The following NF2 variants were observed in gnomAD, a reference collection of about 807,000 sequenced individuals.
NF2 encodes merlin.
A neutral mutation model predicts 83.7 loss-of-function variants in NF2; 8 were observed. The ratio of observed to expected loss-of-function variants is 0.10; its 90% CI spans 0.06 to 0.17. The LOEUF is 0.17. Among genes scored for constraint, NF2 ranks in the 10% least tolerant of loss-of-function variants. The probability of loss-of-function intolerance (pLI) is 1.00; values close to 1 mark genes in which losing one functional copy is unlikely to be tolerated. For missense variants in NF2, 533 were observed against 744.4 expected (o/e 0.72, Z 3.31); for synonymous variants, 266 against 269.6 (o/e 0.99, Z 0.13).
chr22:29,641,794 G>C (rs1427711577), intron 3 of NF2, among the ~76,000 whole-genome samples: 1 of 152,134 alleles, frequency 6.6e-6, no homozygotes, highest in Non-Finnish European at 1.5e-5. Flanking sequence ...GGTGACTTTT[G>C]TCTTGTGTTA....
chr22:29,673,420 T>C lies in NF2; in HGVS notation c.1274T>C (p.Leu425Pro). The change falls in exon 12 of 16, where the codon CTG (leucine) becomes CCG (proline). Residue 425 changes from leucine (L) to proline (P), a missense_variant. Coordinates refer to ENST00000338641, the MANE Select transcript of NF2 (RefSeq NM_000268.4). ...TAIRTEEEKR[L>P]MEQKVLEAEV... The stretch of plus-strand genomic sequence containing the variant: ...ATTCGCACGGAGGAGGAGAAGCGCC[T>C]GATGGAGCAGAAGGTGCTGGAAGCC... The C allele has an allele frequency of 6.2e-7, 1 of 1,612,574 alleles. No homozygotes were observed. Among genetic ancestry groups the C allele is most frequent in the Non-Finnish European group, 8.5e-7 (1 of 1,179,618 alleles).
intron 9 of NF2, among the ~76,000 whole-genome samples, chr22:29,667,123 C>T (rs925784109): frequency 6.6e-6 from 1 of 151,952 alleles, no homozygotes; most frequent in African/African-American, 2.4e-5. Context: ...TTTTACAGAC[C>T]CAACAGTAGT....
At position 29,642,295 on chromosome 22, in the gene NF2, A is replaced by C; in HGVS notation, c.447+10A>C. 1 of 1,612,526 alleles carries C rather than the reference A, an allele frequency of 6.2e-7. No individual in the cohort carries two copies. The highest frequency in any genetic ancestry group is 2.2e-5 in the East Asian group (1 of 44,880). Reference sequence around the variant, plus strand: ...CGCCGTCCAGGCCAAGGTAGGCTCAAAGAAGAAAAATGTATTTTTCCTGGG... The same window carrying C: ...CGCCGTCCAGGCCAAGGTAGGCTCACAGAAGAAAAATGTATTTTTCCTGGG... On this transcript the variant is annotated intron_variant, in intron 4 of 15. Transcript: ENST00000338641.
chr22:29,623,406 GT>G lies in NF2; in HGVS notation c.115-13342del, dbSNP rs547641208. Among the ~76,000 whole-genome samples the G allele has an allele frequency of 2.2e-4, 34 of 152,316 alleles. No individual in the cohort carries two copies. The East Asian group carries it at 6.4e-3, about 28-fold the overall frequency. ...TGCAAAATGATTTGGAACGTTTGGG[GT>G]TTGGGGTAGGGAGAGAGAGGTTGGA... On this transcript the variant is annotated intron_variant, in intron 1 of 15. Coordinates refer to ENST00000338641, the MANE Select transcript of NF2 (RefSeq NM_000268.4).
Position 29,636,604 on chromosome 22 carries a change from G to A in NF2, c.115-147G>A, listed in dbSNP as rs910489016. On this transcript the variant is annotated intron_variant, in intron 1 of 15. Coordinates refer to ENST00000338641, the MANE Select transcript of NF2 (RefSeq NM_000268.4). This position sits in a 1 kb window ranked among gnomAD's most constrained non-coding sequence, Gnocchi z 4.4. ...TCCCACTCATGGGTTTGTAAAGGAA[G>A]CTTTAAAATTATTTAGGAATTCAGT... 4.8e-6 allele frequency: 5 copies of A among 1,046,188 alleles called. No individual in the cohort carries two copies. The African/African-American group carries it at 7.9e-5, about 17-fold the overall frequency. The allele number at this position is 1,046,188 out of a possible 1,614,324, so 64.8% of individuals were successfully genotyped here.
chr22:29,664,903 A>T lies in NF2; in HGVS notation c.811-87A>T, dbSNP rs939428200. 5 of 910,910 alleles carry T rather than the reference A, an allele frequency of 5.5e-6. No individual in the cohort carries two copies. The African/African-American group carries it at 8.2e-5, about 15-fold the overall frequency. 56.4% of individuals were successfully genotyped at this position (910,910 alleles called of 1,614,324 possible). A position where few individuals can be genotyped will look rare whatever the true frequency, so the allele number is the denominator to read the frequency against. ...CATAACTTCATGCTGGTCTGTGGCC[A>T]GTGTGGTTGCGCATTTGTGGAATTT... On this transcript the variant is annotated intron_variant, in intron 8 of 15. Coordinates refer to ENST00000338641, the MANE Select transcript of NF2 (RefSeq NM_000268.4).
chr22:29,681,621 T>C lies in NF2; in HGVS notation c.1737+20T>C. 1 of 1,613,614 alleles carries C rather than the reference T, an allele frequency of 6.2e-7. No homozygotes were observed. Among genetic ancestry groups the C allele is most frequent in the South Asian group, 1.1e-5 (1 of 91,084 alleles). On this transcript the variant is annotated intron_variant, in intron 15 of 15. Coordinates refer to ENST00000338641, the MANE Select transcript of NF2 (RefSeq NM_000268.4). ...AAAAAGGTACCCAGGGTCTCTTTCT[T>C]GTATTTTGCTGATCAGGACCATCAT...
intron 1 of NF2, among the ~76,000 whole-genome samples, chr22:29,628,477 A>G (rs2146806765): frequency 6.6e-6 from 1 of 152,202 alleles, no homozygotes; most frequent in Non-Finnish European, 1.5e-5. Flanking sequence ...AGTTGAAGGC[A>G]GTAATTAAAT....
intron 12 of NF2, 90 bp from the exon 13 acceptor site, chr22:29,674,746 C>T: frequency 8.7e-7 from 1 of 1,148,366 alleles, no homozygotes; most frequent in Non-Finnish European, 1.3e-6. Flanking sequence ...TCAGGGTTAG[C>T]CCAGGTCCCT....
intron 14 of NF2, among the ~76,000 whole-genome samples, chr22:29,680,331 C>G (rs1021549509): frequency 2.0e-5 from 3 of 152,170 alleles, no homozygotes; most frequent in African/African-American, 7.2e-5. Flanking sequence ...AGGCTGGTCT[C>G]GAACTCCTGA....
intron 13 of NF2, among the ~76,000 whole-genome samples, chr22:29,675,812 C>T (rs1439205496): frequency 2.2e-5 from 3 of 135,298 alleles, no homozygotes; most frequent in East Asian, 2.2e-4. Context: ...ACACACAGCA[C>T]GGACACACAC....
At chr22:29,628,780 G>A (rs891666664) in intron 1 of NF2, among the ~76,000 whole-genome samples, 10 of 151,856 alleles carry the variant, frequency 6.6e-5, no homozygotes, top group Admixed American at 1.3e-4. Flanking sequence ...ACAGGTATGC[G>A]CCACCACGCC....
intron 4 of NF2, among the ~76,000 whole-genome samples, chr22:29,650,649 T>C (rs891842536): frequency 6.9e-6 from 1 of 145,102 alleles, no homozygotes; most frequent in Admixed American, 6.9e-5. Context: ...TCCCCTCCCC[T>C]CCCCTTCTGT....
intron 6 of NF2, among the ~76,000 whole-genome samples, chr22:29,656,407 C>CTTTT (rs59440855): frequency 2.9e-4 from 24 of 81,692 alleles, no homozygotes; most frequent in Admixed American, 4.7e-4. Context: ...GGGATATATT[C>CTTTT]TTTTTTTTTT....
At chr22:29,690,745 C>G (rs1032534509) in intron 15 of NF2, among the ~76,000 whole-genome samples, 1 of 152,216 alleles carries the variant, frequency 6.6e-6, no homozygotes, top group Admixed American at 6.5e-5. Context: ...TGTGAAGAGA[C>G]AGCTGGAGGA....
chr22:29,656,603 G>A (rs113852379), intron 6 of NF2, among the ~76,000 whole-genome samples: 3 of 151,738 alleles, frequency 2.0e-5, no homozygotes, highest in African/African-American at 4.8e-5. Flanking sequence ...TAGTAGAGAT[G>A]GGGTTTCACT....
In NF2 at chr22:29,694,850, A is replaced by G. The variant is rs759977916; in HGVS notation, c.*48A>G. 4.4e-6 allele frequency: 7 copies of G among 1,585,112 alleles called. No individual in the cohort carries two copies. Among genetic ancestry groups the G allele is most frequent in the Non-Finnish European group, 6.0e-6 (7 of 1,159,478 alleles). Reference sequence around the variant, plus strand: ...ACCTGCCACTTCTCCTGCTACCGGGACCGCGGGATGGACCAGATATCAAGA... The same window carrying G: ...ACCTGCCACTTCTCCTGCTACCGGGGCCGCGGGATGGACCAGATATCAAGA... On this transcript the variant is annotated 3_prime_UTR_variant, in exon 16 of 16. Transcript: ENST00000338641. This position sits in a 1 kb window ranked among gnomAD's most constrained non-coding sequence, Gnocchi z 4.1.
intron 1 of NF2, among the ~76,000 whole-genome samples, chr22:29,635,427 C>T (rs151250890): frequency 2.0e-5 from 3 of 152,146 alleles, no homozygotes; most frequent in South Asian, 2.1e-4. Context: ...CTCCCGGTTT[C>T]GAGTGATTCC....
chr22:29,683,886 G>A (rs1412967724), intron 15 of NF2: 4 of 1,047,884 alleles, frequency 3.8e-6, no homozygotes, highest in Non-Finnish European at 4.6e-6. Flanking sequence ...AATGTATTTT[G>A]CCCAATAATA....
Sources: gnomAD v4.1 joint callset for allele counts (sites outside exome capture counted in the v4.1 genomes callset) on GRCh38, gnomAD v4.1.1 for gene constraint, Gnocchi (gnomAD v3.1) non-coding constraint, MANE v1.5 for transcripts, NCBI Gene and HGNC (gene_info 2026-07-23, HGNC 2026-07-21) for gene names.